DOCK1: variants seen among roughly 807,000 people sequenced by gnomAD.
DOCK1 encodes the protein dedicator of cytokinesis protein 1.
Under a neutral mutation model 262.7 loss-of-function variants are expected in DOCK1, and 138 were observed. The observed-to-expected ratio is 0.53, with a 90% confidence interval of 0.46 to 0.61. The LOEUF is 0.61. Among genes scored for constraint, DOCK1 ranks in the 20% least tolerant of loss-of-function variants. DOCK1 has a pLI of 0.00. For missense variants in DOCK1, 1,908 were observed against 2,370.7 expected, an observed-to-expected ratio of 0.80 and a Z score of 4.05; for synonymous variants, 866 against 867.4, an observed-to-expected ratio of 1.00 and a Z score of 0.03.
At chr10:127,144,425 T>C (rs936431956) in intron 27 of DOCK1, among the ~76,000 whole-genome samples, 4 of 152,194 alleles carry the variant, frequency 2.6e-5, no homozygotes, top group Admixed American at 6.5e-5. Context: ...TGTGAACTCA[T>C]TGAAGGATGG....
chr10:127,146,940 C>G (rs2051919858), intron 27 of DOCK1, among the ~76,000 whole-genome samples: 1 of 152,188 alleles, frequency 6.6e-6, no homozygotes, highest in Non-Finnish European at 1.5e-5. Context: ...TCCTGACCAG[C>G]TTTCTTTTTG....
At chr10:127,134,842 T>C (rs962303916) in intron 27 of DOCK1, among the ~76,000 whole-genome samples, 2 of 152,146 alleles carry the variant, frequency 1.3e-5, no homozygotes, top group East Asian at 1.9e-4. Context: ...GGAAAAAGCA[T>C]TGTGGCCTCT....
At chr10:127,163,972 AG>A (rs1589718293) in intron 27 of DOCK1, among the ~76,000 whole-genome samples, 1 of 151,846 alleles carries the variant, frequency 6.6e-6, no homozygotes, top group East Asian at 1.9e-4. Flanking sequence ...TCTGGCTGTT[AG>A]GGAAGTTTTA....
At chr10:127,161,765 G>T (rs2053612212) in intron 27 of DOCK1, among the ~76,000 whole-genome samples, 2 of 152,132 alleles carry the variant, frequency 1.3e-5, no homozygotes, top group African/African-American at 2.4e-5. Context: ...TTGCCATGTT[G>T]TCATGGCAGG....
intron 1 of DOCK1, among the ~76,000 whole-genome samples, chr10:126,933,918 G>T (rs1166751064): frequency 6.6e-6 from 1 of 152,062 alleles, no homozygotes; most frequent in Non-Finnish European, 1.5e-5. Context: ...ACGTTCAAGT[G>T]ATTCTCCTGC....
At chr10:127,300,358 C>T (rs1447756147) in intron 29 of DOCK1, among the ~76,000 whole-genome samples, 1 of 152,144 alleles carries the variant, frequency 6.6e-6, no homozygotes, top group East Asian at 1.9e-4. Flanking sequence ...TGGGAAAAGC[C>T]AAACAGGAAA....
rs4751191 is a variant in DOCK1 at position 127,308,502 on chromosome 10, A to G, written c.3045-30504A>G. On this transcript the variant is annotated intron_variant, in intron 29 of 51. Transcript: ENST00000623213. Reference sequence around the variant, plus strand: ...TTACATAGGTATACATTTGCCATGGAGGTTTGCTGTACCTATCAACCCATC... The same window carrying G: ...TTACATAGGTATACATTTGCCATGGGGGTTTGCTGTACCTATCAACCCATC... Among the ~76,000 whole-genome samples the G allele has an allele frequency of 2.7e-3, 407 of 152,282 alleles. 2 individuals carry two copies. The highest frequency in any genetic ancestry group is 4.9e-3 in the Non-Finnish European group (333 of 68,010).
At chr10:127,322,298 T>A (rs1472149824) in intron 29 of DOCK1, among the ~76,000 whole-genome samples, 2 of 148,226 alleles carry the variant, frequency 1.3e-5, no homozygotes, top group Middle Eastern at 3.4e-3. Flanking sequence ...CAAGTGATCC[T>A]CCCGCCTTAG....
intron 27 of DOCK1, among the ~76,000 whole-genome samples, chr10:127,150,055 T>G (rs2052337397): frequency 6.6e-6 from 1 of 152,168 alleles, no homozygotes; most frequent in African/African-American, 2.4e-5. Context: ...GGCTGTAAGT[T>G]TGCATGGGAG....
At chr10:127,018,524 T>C in intron 12 of DOCK1, 186 bp from the exon 13 acceptor site, 1 of 785,354 alleles carries the variant, frequency 1.3e-6, no homozygotes, top group Non-Finnish European at 2.0e-6. Context: ...CCCAGCTCGT[T>C]GGATGCATGG....
At position 126,998,035 on chromosome 10, in the gene DOCK1, G is replaced by T. The variant is rs9418751; in HGVS notation, c.610-57G>T. 97 of 1,597,538 alleles carry T rather than the reference G, an allele frequency of 6.1e-5. No individual in the cohort carries two copies. The East Asian group carries it at 1.3e-3, about 22-fold the overall frequency. On this transcript the variant is annotated intron_variant, in intron 7 of 51. Transcript: ENST00000623213. ...TTCTATTCTGTAGGGAATAAAGAAAGCAAGTGTCAGTGATGAGTGTTGCTG... is the reference window on the plus strand; with the variant it reads ...TTCTATTCTGTAGGGAATAAAGAAATCAAGTGTCAGTGATGAGTGTTGCTG...
At position 127,007,343 on chromosome 10, in the gene DOCK1, G is replaced by A. The variant is rs561552189; in HGVS notation, c.986-1389G>A. 4 of 152,252 alleles carry A rather than the reference G, an allele frequency of 2.6e-5. No homozygotes were observed. In the East Asian group the frequency reaches 7.7e-4, roughly 29 times the overall value. The allele number at this position is 152,252 out of a possible 1,614,324, so 9.4% of individuals were successfully genotyped here. On this transcript the variant is annotated intron_variant, in intron 10 of 51. Transcript: ENST00000623213. ...TTGGAGGGTGGTGATGGTGATGGTA[G>A]AAAGGAAAATTTTCAATATATGATT...
chr10:127,353,625 A>G lies in DOCK1; in HGVS notation c.3225-1044A>G, dbSNP rs1272678738. 2.6e-5 allele frequency among the ~76,000 whole-genome samples: 4 copies of G among 152,164 alleles called. No homozygotes were observed. The East Asian group carries it at 5.8e-4, about 22-fold the overall frequency. ...TTAGAGCTAGCGTGTCCTGGTAGGG[A>G]GTGGCCTAGGCTCCAGTTCCTTTTC... On this transcript the variant is annotated intron_variant, in intron 31 of 51. Coordinates refer to ENST00000623213, the MANE Select transcript of DOCK1 (RefSeq NM_001290223.2).
At chr10:127,043,198 C>CT (rs567444011) in intron 21 of DOCK1, 34 bp downstream of exon 21, 20 of 1,483,082 alleles carry the variant, frequency 1.3e-5, no homozygotes, top group African/African-American at 4.2e-5. Context: ...ACCAATACTT[C>CT]TTTTTTTGGT....
chr10:127,320,523 G>T (rs1310266762), intron 29 of DOCK1, among the ~76,000 whole-genome samples: 1 of 152,138 alleles, frequency 6.6e-6, no homozygotes, highest in Non-Finnish European at 1.5e-5. Context: ...GTCAGAGCTG[G>T]GGAAGGCAGG....
intron 27 of DOCK1, among the ~76,000 whole-genome samples, chr10:127,172,438 G>C (rs1456843899): frequency 6.6e-6 from 1 of 152,186 alleles, no homozygotes; most frequent in Non-Finnish European, 1.5e-5. Flanking sequence ...CAGGGTCTGG[G>C]AAGGGATGGA....
chr10:127,414,151 A>G (rs970193300), intron 43 of DOCK1, among the ~76,000 whole-genome samples: 10 of 152,108 alleles, frequency 6.6e-5, no homozygotes, highest in Admixed American at 2.0e-4. Flanking sequence ...AGCTCAGGCA[A>G]TCTGCCCGCC....
chr10:127,070,639 G>A (rs1235405867), intron 23 of DOCK1, among the ~76,000 whole-genome samples: 2 of 151,656 alleles, frequency 1.3e-5, no homozygotes, highest in Non-Finnish European at 2.9e-5. Context: ...GGTCAGTGGT[G>A]AACAAAGGAC....
chr10:127,362,863 C>CCACACA (rs1188482858), intron 33 of DOCK1, among the ~76,000 whole-genome samples: 12 of 65,030 alleles, frequency 1.8e-4, no homozygotes, highest in Non-Finnish European at 2.7e-4. Flanking sequence ...ATGTACATCC[C>CCACACA]CACACACACA....
Sources: allele counts gnomAD v4.1 joint callset (sites outside exome capture counted in the v4.1 genomes callset), GRCh38; gene constraint gnomAD v4.1.1; transcripts MANE v1.5; gene names NCBI Gene and HGNC (gene_info 2026-07-23, HGNC 2026-07-21).